Variants in PER2 observed in about 807,000 individuals in gnomAD.
PER2 encodes period circadian protein homolog 2.
A neutral mutation model predicts 121.0 loss-of-function variants in PER2; 66 were observed. The ratio of observed to expected loss-of-function variants is 0.55; its 90% CI spans 0.45 to 0.67. The LOEUF is 0.67. PER2 is among the 30% of genes least tolerant of loss of function. The pLI is 0.00. For synonymous variants in PER2, 684 were observed against 659.9 expected, an observed-to-expected ratio of 1.04 and a Z score of -0.56; for missense variants, 1,521 against 1,635.0, an observed-to-expected ratio of 0.93 and a Z score of 1.20.
rs1574858687 is a variant in PER2, at chr2:238,277,941, G to A, written c.-5C>T. ...AAATTCCGCGTATCCATTCATGCTGGGCTCTGGAACGAAGCTGGCAAACAG... is the reference window on the plus strand; with the variant it reads ...AAATTCCGCGTATCCATTCATGCTGAGCTCTGGAACGAAGCTGGCAAACAG... On this transcript the variant is annotated 5_prime_UTR_variant, in exon 2 of 23. Transcript: ENST00000254657. The A allele has an allele frequency of 1.9e-6, 3 of 1,613,116 alleles. No individual in the cohort carries two copies. In the East Asian group the frequency reaches 6.7e-5, roughly 36 times the overall value.
At position 238,269,169 on chromosome 2, in the gene PER2, A is replaced by G. The variant is rs549602857; in HGVS notation, c.773-195T>C. Among the ~76,000 whole-genome samples the G allele has an allele frequency of 7.2e-5, 11 of 152,362 alleles. 1 individual carries two copies. In the South Asian group the frequency reaches 2.3e-3, roughly 32 times the overall value. On this transcript the variant is annotated intron_variant, in intron 6 of 22. Coordinates refer to ENST00000254657, the MANE Select transcript of PER2 (RefSeq NM_022817.3). ...TTTTGACTAAAATTACATAGACTTC[A>G]TGAGTGTGGTGCATTACAAATTATG...
chr2:238,282,788 G>C (rs990349326), intron 1 of PER2, among the ~76,000 whole-genome samples: 97 of 152,306 alleles, frequency 6.4e-4, no homozygotes, highest in African/African-American at 2.1e-3. Flanking sequence ...AGAATATACA[G>C]TAGAGTAGGC....
At chr2:238,255,529 C>A in intron 18 of PER2, 128 bp downstream of exon 18, 2 of 994,842 alleles carry the variant, frequency 2.0e-6, no homozygotes, top group South Asian at 2.6e-5. Flanking sequence ...CAGGGAAGTT[C>A]CAACAGCTGT....
chr2:238,246,567 C>T lies in PER2; in HGVS notation c.3619-43G>A, dbSNP rs112116866. ...GAGAAATCAGTAACAAACTTGAGAT[C>T]TGAGTTGTTACAAAAGTCATTCAAA... On this transcript the variant is annotated intron_variant, in intron 22 of 22. Transcript: ENST00000254657. 38 of 1,402,608 alleles carry T rather than the reference C, an allele frequency of 2.7e-5. No individual in the cohort carries two copies. The African/African-American group carries it at 5.3e-4, about 20-fold the overall frequency. 86.9% of individuals were successfully genotyped at this position (1,402,608 alleles called of 1,614,324 possible).
At chr2:238,291,848 G>A (rs999483885), upstream of PER2, among the ~76,000 whole-genome samples, 6 of 152,206 alleles carry the variant, frequency 3.9e-5, no homozygotes, top group Non-Finnish European at 7.3e-5. Context: ...CTAGTGACCC[G>A]AGGGCAGGTG....
In PER2 at chr2:238,251,698, G is replaced by A; in HGVS notation, c.3175C>T (p.Leu1059Phe). 1 of 1,614,068 alleles carries A rather than the reference G, an allele frequency of 6.2e-7. No individual in the cohort carries two copies. Among genetic ancestry groups the A allele is most frequent in the East Asian group, 2.2e-5 (1 of 44,890 alleles). ...GAGCAGAGGTCCTCATTCAGCAGGA[G>A]GTTTAGGAGGCCGCTTGACGTGGAA... The part of the protein sequence containing the change: ...ALSTSSGLLN[L>F]LLNEDLCSAS... The change falls in exon 20 of 23, where the codon CTC becomes TTC. Residue 1059 changes from leucine to phenylalanine, a missense_variant. Transcript: ENST00000254657.
At chr2:238,256,544 G>A (rs979547214) in intron 17 of PER2, among the ~76,000 whole-genome samples, 2 of 152,310 alleles carry the variant, frequency 1.3e-5, no homozygotes, top group African/African-American at 2.4e-5. Context: ...GAGAGCTAAC[G>A]GTCGCACCTT....
At chr2:238,260,690 C>A (rs1695898982) in intron 13 of PER2, 138 bp downstream of exon 13, 2 of 946,144 alleles carry the variant, frequency 2.1e-6, no homozygotes, top group Non-Finnish European at 3.3e-6. Context: ...CCCAAGTGGA[C>A]AAAGTTTAGA....
chr2:238,279,849 G>A (rs1162674125), intron 1 of PER2, among the ~76,000 whole-genome samples: 1 of 152,124 alleles, frequency 6.6e-6, no homozygotes, highest in Non-Finnish European at 1.5e-5. Flanking sequence ...GCTGCTTGTC[G>A]CTGAGATGGA....
rs146862648 is a variant in PER2, at chr2:238,268,134, T to C, written c.889A>G (p.Lys297Glu). Residue 297 changes from lysine to glutamate, a missense_variant, in exon 8 of 23, where the codon AAG becomes GAG. Coordinates refer to ENST00000254657, the MANE Select transcript of PER2 (RefSeq NM_022817.3). This position sits in a 1 kb window ranked among gnomAD's most constrained non-coding sequence, Gnocchi z 4.0. ...TCAGCACCTTGTTGGTCCCGCACCTTGACCAGGTAGGGCGTCATGCGGAAG... is the reference window on the plus strand; with the variant it reads ...TCAGCACCTTGTTGGTCCCGCACCTCGACCAGGTAGGGCGTCATGCGGAAG... ...HPFRMTPYLV[K>E]VRDQQGAESQ... 96 of 1,613,982 alleles carry C rather than the reference T, an allele frequency of 5.9e-5. No homozygotes were observed. The African/African-American group carries it at 1.3e-3, about 21-fold the overall frequency.
chr2:238,246,581 AAGTC>A, intron 22 of PER2, 57 bp from the exon 23 acceptor site: 1 of 1,329,888 alleles, frequency 7.5e-7, no homozygotes, highest in Non-Finnish European at 1.1e-6. Flanking sequence ...GTTGTTACAA[AAGTC>A]ATTCAAATTG....
Position 238,268,821 on chromosome 2 carries a change from C to G in PER2, c.824+102G>C. 7 of 835,242 alleles carry G rather than the reference C, an allele frequency of 8.4e-6. No homozygotes were observed. The highest frequency in any genetic ancestry group is 1.5e-5 in the Non-Finnish European group (7 of 478,106). 51.7% of individuals were successfully genotyped at this position (835,242 alleles called of 1,614,324 possible). A position where few individuals can be genotyped will look rare whatever the true frequency, so the allele number is the denominator to read the frequency against. On this transcript the variant is annotated intron_variant, in intron 7 of 22. Transcript: ENST00000254657. This position sits in a 1 kb window ranked among gnomAD's most constrained non-coding sequence, Gnocchi z 4.0. ...GACTTCAGAAACAGGCGTGCTGAGT[C>G]CCTGCAGGCAGGGATCACGCCCCCC...
At chr2:238,259,388 G>A (rs547724855) in intron 14 of PER2, among the ~76,000 whole-genome samples, 26 of 152,362 alleles carry the variant, frequency 1.7e-4, no homozygotes, top group African/African-American at 6.3e-4. Context: ...GGAGCAGCAT[G>A]AATCTGAACC....
At chr2:238,259,504 G>A (rs537480913) in intron 14 of PER2, among the ~76,000 whole-genome samples, 75 of 152,372 alleles carry the variant, frequency 4.9e-4, no homozygotes, top group Non-Finnish European at 6.5e-4. Context: ...CCCCACTTCA[G>A]ACAGGTTTGG....
Position 238,257,036 on chromosome 2 carries a change from G to T in PER2, c.1951C>A (p.Leu651Met). ...TTGCCCGGCAGTGCCAGCGAGGTCA[G>T]GTGCGTACCTACTCCCGTGCGGCTG... The part of the protein sequence containing the change: ...VNSRTGVGTH[L>M]TSLALPGKAE... The change falls in exon 17 of 23, where the codon CTG (leucine) becomes ATG (methionine). Residue 651 changes from leucine to methionine, a missense_variant. Physicochemically the swap from Leu to Met is conservative, Grantham distance 15. Transcript: ENST00000254657. The T allele has an allele frequency of 6.2e-7, 1 of 1,613,500 alleles. No homozygotes were observed. The highest frequency in any genetic ancestry group is 8.5e-7 in the Non-Finnish European group (1 of 1,179,934).
rs35530218 is a variant in PER2 at position 238,287,084 on chromosome 2, T to C, written c.-20+1265A>G. 7.6e-3 allele frequency among the ~76,000 whole-genome samples: 1,160 copies of C among 152,322 alleles called. 14 individuals are homozygous for C. The highest frequency in any genetic ancestry group is 0.027 in the African/African-American group (1,111 of 41,568). On this transcript the variant is annotated intron_variant, in intron 1 of 22. Coordinates refer to ENST00000254657, the MANE Select transcript of PER2 (RefSeq NM_022817.3). The stretch of plus-strand genomic sequence containing the variant: ...CAAACAAGGAAACTGAGGCCCAGAC[T>C]GGGAGCCAGCAGCAGCCAGCTGGCT...
At chr2:238,297,594 G>A in the PER2 span, among the ~76,000 whole-genome samples, 2 of 152,202 alleles carry the variant, frequency 1.3e-5, no homozygotes, top group Admixed American at 1.3e-4. Flanking sequence ...ATGGGACCCT[G>A]TTCCCCGAGC....
the PER2 span, among the ~76,000 whole-genome samples, chr2:238,298,020 A>C: frequency 1.4e-5 from 2 of 145,596 alleles, no homozygotes; most frequent in Non-Finnish European, 3.0e-5. Context: ...CCTCCCAATA[A>C]AGCTTTTGTT....
At chr2:238,259,919 T>C in intron 14 of PER2, 50 bp downstream of exon 14, 1 of 856,610 alleles carries the variant, frequency 1.2e-6, no homozygotes, top group Non-Finnish European at 2.0e-6. Flanking sequence ...TCTTCTCATG[T>C]GGCCATACTC....
Sources: gnomAD v4.1 joint callset for allele counts (sites outside exome capture counted in the v4.1 genomes callset) on GRCh38, gnomAD v4.1.1 for gene constraint, Gnocchi (gnomAD v3.1) non-coding constraint, MANE v1.5 for transcripts, NCBI Gene and HGNC (gene_info 2026-07-23, HGNC 2026-07-21) for gene names.